The following NTM variants were observed in gnomAD, a reference collection of about 807,000 sequenced individuals.
NTM encodes IgLON family member 2.
A neutral mutation model predicts 42.1 loss-of-function variants in NTM; 13 were observed. That is an observed-to-expected ratio of 0.31 (90% CI 0.20 to 0.49). The LOEUF is 0.49. Among genes scored for constraint, NTM ranks in the 20% least tolerant of loss-of-function variants. The pLI, the probability that NTM is intolerant of heterozygous loss-of-function variation, is 0.99. For missense variants in NTM, 373 were observed against 452.8 expected (o/e 0.82, Z 1.60); for synonymous variants, 187 against 179.2 (o/e 1.04, Z -0.35).
chr11:131,931,018 C>T (rs576685401), intron 2 of NTM, among the ~76,000 whole-genome samples: 1 of 152,246 alleles, frequency 6.6e-6, no homozygotes, highest in Admixed American at 6.5e-5. Flanking sequence ...AAGGCTTTGA[C>T]ATCAACATAG....
chr11:132,106,879 A>G (rs1459709597), intron 2 of NTM, among the ~76,000 whole-genome samples: 1 of 152,152 alleles, frequency 6.6e-6, no homozygotes, highest in Non-Finnish European at 1.5e-5. Context: ...CCTGAGCGTG[A>G]TCATTTAGCC....
intron 1 of NTM, among the ~76,000 whole-genome samples, chr11:131,643,946 C>T (rs2065455739): frequency 6.6e-6 from 1 of 152,204 alleles, no homozygotes; most frequent in Admixed American, 6.5e-5. Flanking sequence ...GCAATATGGG[C>T]ATAATCATGT....
chr11:131,626,156 TAAAG>T (rs2063085015), intron 1 of NTM, among the ~76,000 whole-genome samples: 1 of 152,100 alleles, frequency 6.6e-6, no homozygotes, highest in African/African-American at 2.4e-5. Flanking sequence ...AATTATTACA[TAAAG>T]AGTCATAGAA....
chr11:131,665,818 C>G lies in NTM; in HGVS notation c.83-245746C>G, dbSNP rs113374507. Among the ~76,000 whole-genome samples the G allele has an allele frequency of 9.8e-3, 1,500 of 152,322 alleles. 28 individuals carry two copies. Among genetic ancestry groups the G allele is most frequent in the African/African-American group, 0.034 (1,409 of 41,568 alleles). Reference sequence around the variant, plus strand: ...CAGGCTTGTGAGACAAATTCCCACCCCACCGTATTTTGCCTGACTTTTGTC... The same window carrying G: ...CAGGCTTGTGAGACAAATTCCCACCGCACCGTATTTTGCCTGACTTTTGTC... On this transcript the variant is annotated intron_variant, in intron 1 of 8. Coordinates refer to ENST00000683400, the MANE Select transcript of NTM (RefSeq NM_001352005.2).
At chr11:131,876,676 C>A (rs2048582072) in intron 1 of NTM, among the ~76,000 whole-genome samples, 1 of 152,170 alleles carries the variant, frequency 6.6e-6, no homozygotes, top group Admixed American at 6.5e-5. Context: ...ATGCTACTCT[C>A]CACAGCAACC....
intron 7 of NTM, among the ~76,000 whole-genome samples, chr11:132,321,201 G>A (rs1003834464): frequency 2.0e-5 from 3 of 152,220 alleles, no homozygotes; most frequent in Non-Finnish European, 4.4e-5. Context: ...GCTGAGAGAA[G>A]ACAGCTTCAG....
At chr11:131,424,832 G>A (rs1947947660) in intron 1 of NTM, among the ~76,000 whole-genome samples, 1 of 148,162 alleles carries the variant, frequency 6.7e-6, no homozygotes, top group Admixed American at 6.7e-5. Flanking sequence ...GCCTCCCAAA[G>A]TGCTGGGATT....
At chr11:131,744,614 A>C (rs1037100636) in intron 1 of NTM, among the ~76,000 whole-genome samples, 1 of 151,634 alleles carries the variant, frequency 6.6e-6, no homozygotes, top group African/African-American at 2.4e-5. Flanking sequence ...TTAGAAAATT[A>C]ATGTTTTTTT....
intron 4 of NTM, among the ~76,000 whole-genome samples, chr11:132,236,011 CACACACACACAA>C (rs1208564168): frequency 4.8e-5 from 7 of 146,620 alleles, no homozygotes; most frequent in Non-Finnish European, 1.1e-4. Context: ...CACACACACA[CACACACACACAA>C]CAAAATTGTA....
At chr11:131,732,676 T>TATCC (rs2079846598) in intron 1 of NTM, among the ~76,000 whole-genome samples, 1 of 152,220 alleles carries the variant, frequency 6.6e-6, no homozygotes, top group Non-Finnish European at 1.5e-5. Flanking sequence ...TGTATTATGT[T>TATCC]ATCCAACAAC....
chr11:131,380,390 T>C (rs1240020035), intron 1 of NTM, among the ~76,000 whole-genome samples: 2 of 151,996 alleles, frequency 1.3e-5, no homozygotes, highest in Admixed American at 6.6e-5. Flanking sequence ...TTTCTATTTT[T>C]ACTAGAGATG....
intron 1 of NTM, among the ~76,000 whole-genome samples, chr11:131,828,061 T>C (rs753516202): frequency 2.6e-5 from 4 of 152,034 alleles, no homozygotes; most frequent in Non-Finnish European, 4.4e-5. Context: ...TCACTCAACA[T>C]ATAGGTATGT....
At chr11:131,660,608 T>C (rs901617514) in intron 1 of NTM, 5 of 457,592 alleles carry the variant, frequency 1.1e-5, no homozygotes, top group Non-Finnish European at 1.8e-5. Context: ...ATCTGAGGGC[T>C]GGCCTTGATC....
intron 1 of NTM, among the ~76,000 whole-genome samples, chr11:131,826,652 G>A (rs1016265310): frequency 6.6e-6 from 1 of 151,916 alleles, no homozygotes; most frequent in African/African-American, 2.4e-5. Context: ...GGCCAGGAGT[G>A]GGAGGGCTGG....
chr11:132,306,590 G>A (rs938021418), intron 4 of NTM: 3 of 152,176 alleles, frequency 2.0e-5, no homozygotes, highest in Non-Finnish European at 2.9e-5. Flanking sequence ...GAGGTATTAG[G>A]ATTGTATGTA....
chr11:132,292,826 G>T (rs2094495886), intron 4 of NTM, among the ~76,000 whole-genome samples: 1 of 145,886 alleles, frequency 6.9e-6, no homozygotes, highest in Non-Finnish European at 1.5e-5. Flanking sequence ...AAAAAATGTT[G>T]GATCGGGGGA....
intron 1 of NTM, among the ~76,000 whole-genome samples, chr11:131,708,645 C>G (rs2076821366): frequency 1.3e-5 from 2 of 152,104 alleles, no homozygotes; most frequent in Non-Finnish European, 2.9e-5. Context: ...TGATTACACA[C>G]AGTCAATATA....
In NTM at chr11:131,855,752, G is replaced by A. The variant is rs114308347; in HGVS notation, c.83-55812G>A. The stretch of plus-strand genomic sequence containing the variant: ...ATCAAATGCAATTACATTGCTCTTC[G>A]GATCCTTCTGTCTTGTTTGCAGCCC... On this transcript the variant is annotated intron_variant, in intron 1 of 8. Transcript: ENST00000683400. 2.8e-3 allele frequency among the ~76,000 whole-genome samples: 428 copies of A among 152,104 alleles called. 3 individuals are homozygous for A. Among genetic ancestry groups the A allele is most frequent in the African/African-American group, 9.7e-3 (403 of 41,472 alleles).
chr11:132,207,134 C>T (rs1383131993), intron 3 of NTM, among the ~76,000 whole-genome samples: 8 of 152,142 alleles, frequency 5.3e-5, no homozygotes, highest in African/African-American at 1.4e-4. Context: ...GGCCACATAC[C>T]GATACTGCTC....
Sources: allele counts gnomAD v4.1 joint callset (sites outside exome capture counted in the v4.1 genomes callset), GRCh38; gene constraint gnomAD v4.1.1; transcripts MANE v1.5; gene names NCBI Gene and HGNC (gene_info 2026-07-23, HGNC 2026-07-21).